WDR7: variants seen among roughly 807,000 people sequenced by gnomAD.
The protein encoded by WDR7 is WD repeat domain 7.
A neutral mutation model predicts 169.4 loss-of-function variants in WDR7; 46 were observed. The ratio of observed to expected loss-of-function variants is 0.27; its 90% CI spans 0.21 to 0.35. The LOEUF (loss-of-function observed/expected upper bound fraction) is 0.35. Ranked by LOEUF, WDR7 falls within the 10% of genes least tolerant of loss-of-function variation. The pLI is 1.00. For synonymous variants in WDR7, 612 were observed against 666.8 expected (o/e 0.92, Z 1.27); for missense variants, 1,534 against 1,859.3 (o/e 0.83, Z 3.22).
chr18:56,977,143 A>T (rs2047579196), intron 26 of WDR7, among the ~76,000 whole-genome samples: 1 of 152,202 alleles, frequency 6.6e-6, no homozygotes, highest in Non-Finnish European at 1.5e-5. Context: ...TAGATTCATG[A>T]CTGTTACATT....
At chr18:56,840,842 C>A (rs1041161092) in intron 20 of WDR7, among the ~76,000 whole-genome samples, 2 of 151,460 alleles carry the variant, frequency 1.3e-5, no homozygotes, top group African/African-American at 4.9e-5. Flanking sequence ...AAAAAAGACC[C>A]CATTTCCCAC....
At position 56,756,108 on chromosome 18, in the gene WDR7, T is replaced by C. The variant is rs2043882783; in HGVS notation, c.1990-475T>C. On this transcript the variant is annotated intron_variant, in intron 14 of 27. Coordinates refer to ENST00000254442, the MANE Select transcript of WDR7 (RefSeq NM_015285.3). ...TAAGTAGACTGTAATATGTTCTTTA[T>C]TCAGGGAATGGAATCTTTGAATAGG... 2.0e-5 allele frequency among the ~76,000 whole-genome samples: 3 copies of C among 152,296 alleles called. No individual in the cohort carries two copies. In the South Asian group the frequency reaches 6.2e-4, roughly 32 times the overall value.
intron 12 of WDR7, chr18:56,699,937 C>A (rs2025785562): frequency 1.1e-6 from 1 of 922,322 alleles, no homozygotes; most frequent in Non-Finnish European, 1.3e-6. Context: ...TCCTTTCTTT[C>A]CCCACTCCTT....
intron 25 of WDR7, among the ~76,000 whole-genome samples, chr18:56,954,072 A>G (rs1251976331): frequency 2.0e-5 from 3 of 152,204 alleles, no homozygotes; most frequent in Admixed American, 6.5e-5. Flanking sequence ...TAGTAGTGGC[A>G]TGGAGGGTAC....
At chr18:56,850,876 T>C (rs968680714) in intron 20 of WDR7, among the ~76,000 whole-genome samples, 1 of 152,308 alleles carries the variant, frequency 6.6e-6, no homozygotes, top group East Asian at 1.9e-4. Flanking sequence ...TGTTCTAGGA[T>C]ACCACCATTC....
At position 56,946,411 on chromosome 18, in the gene WDR7, A is replaced by C. The variant is rs183025668; in HGVS notation, c.4064+7018A>C. Among the ~76,000 whole-genome samples, 444 of 152,308 alleles carry C rather than the reference A, an allele frequency of 2.9e-3. 1 individual carries two copies. The highest frequency in any genetic ancestry group is 0.01 in the African/African-American group (420 of 41,576). Reference sequence around the variant, plus strand: ...GACATTTCTTTTAAATCTAGATGACAGCCCGTTTTTGTTTTCCTAAGGAAC... The same window carrying C: ...GACATTTCTTTTAAATCTAGATGACCGCCCGTTTTTGTTTTCCTAAGGAAC... On this transcript the variant is annotated intron_variant, in intron 25 of 27. Transcript: ENST00000254442.
At chr18:56,835,620 A>C (rs1473036592) in intron 20 of WDR7, among the ~76,000 whole-genome samples, 1 of 152,220 alleles carries the variant, frequency 6.6e-6, no homozygotes, top group Admixed American at 6.5e-5. Context: ...ACATGTCTCA[A>C]CAGTATGTGA....
chr18:56,962,740 G>A (rs532049467), intron 26 of WDR7, among the ~76,000 whole-genome samples: 3 of 152,256 alleles, frequency 2.0e-5, no homozygotes, highest in African/African-American at 7.2e-5. Flanking sequence ...GAGTTCATAA[G>A]AGAGCCCAGA....
intron 1 of WDR7, among the ~76,000 whole-genome samples, chr18:56,657,245 A>G (rs2024796759): frequency 6.6e-6 from 1 of 150,804 alleles, no homozygotes; most frequent in African/African-American, 2.4e-5. Flanking sequence ...GCAACCTCCA[A>G]CTCCCAAGTT....
At chr18:56,690,608 A>G (rs924849214) in intron 7 of WDR7, among the ~76,000 whole-genome samples, 1 of 152,140 alleles carries the variant, frequency 6.6e-6, no homozygotes, top group African/African-American at 2.4e-5. Context: ...TGAGCCCAGG[A>G]GTTCGAGACC....
intron 22 of WDR7, among the ~76,000 whole-genome samples, chr18:56,932,874 G>GGTGTGTGTGT (rs34838445): frequency 2.3e-3 from 310 of 131,990 alleles, no homozygotes; most frequent in African/African-American, 3.5e-3. Context: ...CTTCATTCTG[G>GGTGTGTGTGT]GTGTGTGTGT....
chr18:57,018,286 G>C (rs1359219213), intron 26 of WDR7, among the ~76,000 whole-genome samples: 1 of 152,222 alleles, frequency 6.6e-6, no homozygotes, highest in Non-Finnish European at 1.5e-5. Flanking sequence ...TTTCTTAGAA[G>C]AACTTTTAAT....
chr18:56,990,512 A>C (rs566187913), intron 26 of WDR7, among the ~76,000 whole-genome samples: 2 of 152,376 alleles, frequency 1.3e-5, no homozygotes, highest in East Asian at 3.9e-4. Context: ...TCTTTCAAAC[A>C]ATATGAGAGG....
At chr18:56,955,688 GAT>G (rs1335009624) in intron 25 of WDR7, among the ~76,000 whole-genome samples, 1 of 151,788 alleles carries the variant, frequency 6.6e-6, no homozygotes, top group African/African-American at 2.4e-5. Context: ...TGATGATGAT[GAT>G]GATAGCTGAT....
intron 20 of WDR7, among the ~76,000 whole-genome samples, chr18:56,847,198 T>G (rs563398124): frequency 6.6e-6 from 1 of 152,316 alleles, no homozygotes; most frequent in Admixed American, 6.5e-5. Context: ...AGGTTACCCT[T>G]GTTACACCCT....
At chr18:56,994,204 T>C (rs1473929881) in intron 26 of WDR7, among the ~76,000 whole-genome samples, 1 of 151,906 alleles carries the variant, frequency 6.6e-6, no homozygotes, top group Non-Finnish European at 1.5e-5. Context: ...GTATTCTTTC[T>C]GTAGAGATGG....
chr18:56,964,280 A>C (rs948402853), intron 26 of WDR7, among the ~76,000 whole-genome samples: 4 of 151,476 alleles, frequency 2.6e-5, no homozygotes, highest in African/African-American at 9.7e-5. Context: ...AGAAACACTT[A>C]TCAAAAAGAC....
At chr18:56,944,154 C>T (rs542947574) in intron 25 of WDR7, among the ~76,000 whole-genome samples, 1 of 151,624 alleles carries the variant, frequency 6.6e-6, no homozygotes, top group Non-Finnish European at 1.5e-5. Context: ...ACGCCCAGCT[C>T]ATTTTTGTAT....
intron 20 of WDR7, among the ~76,000 whole-genome samples, chr18:56,877,896 T>C (rs2046048129): frequency 6.6e-6 from 1 of 152,222 alleles, no homozygotes; most frequent in Non-Finnish European, 1.5e-5. Context: ...AATTACTTTA[T>C]AAAAATTGGA....
Sources: gnomAD v4.1 joint callset for allele counts (sites outside exome capture counted in the v4.1 genomes callset) on GRCh38, gnomAD v4.1.1 for gene constraint, MANE v1.5 for transcripts, NCBI Gene and HGNC (gene_info 2026-07-23, HGNC 2026-07-21) for gene names.